Variants in ALDH7A1 observed in about 807,000 individuals in gnomAD.
The protein encoded by ALDH7A1 is alpha-aminoadipic semialdehyde dehydrogenase.
A neutral mutation model predicts 79.9 loss-of-function variants in ALDH7A1; 63 were observed. The ratio of observed to expected loss-of-function variants is 0.79; its 90% CI spans 0.64 to 0.97. ALDH7A1 has a LOEUF of 0.97. ALDH7A1 is among the 50% of genes least tolerant of loss of function. ALDH7A1 has a pLI of 0.00. For missense variants in ALDH7A1, 627 were observed against 665.2 expected (o/e 0.94, Z 0.63); for synonymous variants, 240 against 231.2 (o/e 1.04, Z -0.34).
chr5:126,559,325 T>C lies in ALDH7A1; in HGVS notation c.923A>G (p.Asp308Gly), dbSNP rs767632811. ...GGNNAIIAFE[D>G]ADLSLVVPSA... ...TGGAACAACTAAGCTGAGGTCTGCA[T>C]CTTCAAAGGCTTAGGAAAGCACAAA... The change falls in exon 11 of 18, where the codon GAT becomes GGT. Residue 308 changes from aspartate (D) to glycine (G), a missense_variant. By Grantham distance (94) the Asp-to-Gly change is moderately conservative. Transcript: ENST00000409134. 2 of 1,613,646 alleles carry C rather than the reference T, an allele frequency of 1.2e-6. No individual in the cohort carries two copies. Among genetic ancestry groups the C allele is most frequent in the South Asian group, 2.2e-5 (2 of 91,066 alleles).
chr5:126,590,040 G>A (rs150743020), intron 3 of ALDH7A1, among the ~76,000 whole-genome samples: 1,462 of 126,342 alleles, frequency 0.012, 20 homozygotes, highest in Middle Eastern at 0.04. Context: ...CCCAGCTGCC[G>A]CCCCGTCTGG....
At chr5:126,547,041 G>C (rs1749808538) in intron 16 of ALDH7A1, among the ~76,000 whole-genome samples, 1 of 152,166 alleles carries the variant, frequency 6.6e-6, no homozygotes, top group South Asian at 2.1e-4. Context: ...AGAATGGGAA[G>C]CCAGCAAAAA....
At position 126,542,794 on chromosome 5, in the gene ALDH7A1, T is replaced by C. The variant is rs1217912661; in HGVS notation, c.*2171A>G. Reference sequence around the variant, plus strand: ...TTTGAGAAAACTGCCTTCCCTCCATTGTGAGAAGTCTTCACCTGGAGGGCC... The same window carrying C: ...TTTGAGAAAACTGCCTTCCCTCCATCGTGAGAAGTCTTCACCTGGAGGGCC... On this transcript the variant is annotated 3_prime_UTR_variant, in exon 18 of 18. Transcript: ENST00000409134. The C allele has an allele frequency of 1.3e-5, 2 of 152,200 alleles. No individual in the cohort carries two copies. The highest frequency in any genetic ancestry group is 2.9e-5 in the Non-Finnish European group (2 of 68,038). The allele number at this position is 152,200 out of a possible 1,614,324, so 9.4% of individuals were successfully genotyped here. A position where few individuals can be genotyped will look rare whatever the true frequency, so the allele number is the denominator to read the frequency against.
Position 126,595,182 on chromosome 5 carries a change from C to A in ALDH7A1, c.17G>T (p.Arg6Leu), listed in dbSNP as rs966540476. MWRLPRALCVHAAKTS... is the reference protein window; with the variant it reads MWRLPLALCVHAAKTS... ...CTTTGCAGCGTGCACACACAGCGCGCGAGGAAGGCGCCACATACTGAGCCC... is the reference window on the plus strand; with the variant it reads ...CTTTGCAGCGTGCACACACAGCGCGAGAGGAAGGCGCCACATACTGAGCCC... Residue 6 changes from arginine (R) to leucine (L), a missense_variant, in exon 1 of 18, where the codon CGC becomes CTC. Coordinates refer to ENST00000409134, the MANE Select transcript of ALDH7A1 (RefSeq NM_001182.5). The A allele has an allele frequency of 1.3e-6, 2 of 1,552,292 alleles. No homozygotes were observed. The highest frequency in any genetic ancestry group is 1.4e-5 in the African/African-American group (1 of 73,058).
intron 9 of ALDH7A1, among the ~76,000 whole-genome samples, chr5:126,564,764 G>A (rs973784696): frequency 1.3e-5 from 2 of 151,962 alleles, no homozygotes; most frequent in East Asian, 1.9e-4. Flanking sequence ...GGAAGGAAAC[G>A]GAAGCTTTTA....
At chr5:126,565,851 T>TA (rs1252494526) in intron 9 of ALDH7A1, among the ~76,000 whole-genome samples, 1 of 152,192 alleles carries the variant, frequency 6.6e-6, no homozygotes, top group Admixed American at 6.6e-5. Context: ...GACCATCCTT[T>TA]CCCCATTGAA....
intron 1 of ALDH7A1, 88 bp downstream of exon 1, chr5:126,594,919 C>A: frequency 6.6e-7 from 1 of 1,506,444 alleles, no homozygotes; most frequent in South Asian, 1.2e-5. Context: ...CCGCATCCAG[C>A]GCCAGCGGGG....
intron 3 of ALDH7A1, chr5:126,584,386 G>GC: frequency 3.5e-6 from 1 of 289,340 alleles, no homozygotes; most frequent in East Asian, 9.2e-5. Flanking sequence ...AGGAGGCTGG[G>GC]CGTGGTGGCT....
chr5:126,571,502 A>G (rs1165935623), intron 7 of ALDH7A1, among the ~76,000 whole-genome samples: 1 of 151,824 alleles, frequency 6.6e-6, no homozygotes, highest in Admixed American at 6.6e-5. Flanking sequence ...TCTTGAGAAG[A>G]AGAAAAAAAC....
At chr5:126,572,625 G>T (rs186973714) in intron 7 of ALDH7A1, among the ~76,000 whole-genome samples, 3 of 152,318 alleles carry the variant, frequency 2.0e-5, no homozygotes, top group Admixed American at 6.5e-5. Flanking sequence ...CTATTAATGG[G>T]AATGCCATGC....
intron 8 of ALDH7A1, 60 bp from the exon 9 acceptor site, chr5:126,568,416 T>A: frequency 1.5e-6 from 2 of 1,361,860 alleles, no homozygotes; most frequent in Non-Finnish European, 2.1e-6. Flanking sequence ...TTACAACATC[T>A]AATGGTACCC....
chr5:126,581,597 G>A (rs1362527281), intron 5 of ALDH7A1: 1 of 152,042 alleles, frequency 6.6e-6, no homozygotes, highest in Non-Finnish European at 1.5e-5. Context: ...ATTCTGGCCT[G>A]GGCAAGACAG....
chr5:126,546,332 C>T lies in ALDH7A1; in HGVS notation c.1557G>A (p.Arg519=). 3 of 1,614,172 alleles carry T rather than the reference C, an allele frequency of 1.9e-6. No homozygotes were observed. The highest frequency in any genetic ancestry group is 2.5e-6 in the Non-Finnish European group (3 of 1,180,008). Residue 519 remains arginine (R), a synonymous_variant, in exon 17 of 18, where the codon AGG becomes AGA. Coordinates refer to ENST00000409134, the MANE Select transcript of ALDH7A1 (RefSeq NM_001182.5). ...CCAAAGCCTTTTCTTACCAAGTAGA[C>T]CTTCTCATGTACTGTTTCCAGGCAT... is the stretch of plus-strand genomic sequence containing the variant. ...GSDAWKQYMR[R]STCTINYSKD...
chr5:126,584,631 G>T (rs1751295940), intron 3 of ALDH7A1: 1 of 138,320 alleles, frequency 7.2e-6, no homozygotes, highest in Non-Finnish European at 1.5e-5. Flanking sequence ...TTGCACTCCA[G>T]CCTGGGCAAC....
At chr5:126,573,669 G>C (rs1181638554) in intron 7 of ALDH7A1, among the ~76,000 whole-genome samples, 2 of 149,910 alleles carry the variant, frequency 1.3e-5, no homozygotes, top group African/African-American at 2.5e-5. Flanking sequence ...CTGCACTCTA[G>C]CCTGGTGACA....
intron 3 of ALDH7A1, chr5:126,587,637 AAAAAAG>A (rs975331523): frequency 1.3e-5 from 2 of 152,838 alleles, no homozygotes; most frequent in Non-Finnish European, 2.9e-5. Context: ...GTCTCAAAAA[AAAAAAG>A]AAAAAGAAAA....
chr5:126,591,068 G>A (rs1751537615), intron 3 of ALDH7A1, among the ~76,000 whole-genome samples: 1 of 151,920 alleles, frequency 6.6e-6, no homozygotes, highest in African/African-American at 2.4e-5. Flanking sequence ...CATTGCAGAG[G>A]TTGGGGTAAG....
At chr5:126,550,379 C>G in intron 14 of ALDH7A1, 86 bp from the exon 15 acceptor site, 1 of 996,302 alleles carries the variant, frequency 1.0e-6, no homozygotes, top group South Asian at 1.3e-5. Context: ...CTGAAGTGTA[C>G]CAGTATAATT....
chr5:126,563,550 C>T (rs1417462422), intron 9 of ALDH7A1, among the ~76,000 whole-genome samples: 2 of 151,974 alleles, frequency 1.3e-5, no homozygotes, highest in Non-Finnish European at 2.9e-5. Context: ...AGTGCAGTGG[C>T]GTGATCTCGG....
Sources: gnomAD v4.1 joint callset for allele counts (sites outside exome capture counted in the v4.1 genomes callset) on GRCh38, gnomAD v4.1.1 for gene constraint, MANE v1.5 for transcripts, NCBI Gene and HGNC (gene_info 2026-07-23, HGNC 2026-07-21) for gene names.